The following VWC2L variants were observed in gnomAD, a reference collection of about 807,000 sequenced individuals.
The protein encoded by VWC2L is von Willebrand factor C domain-containing protein 2-like.
VWC2L carries 10 observed loss-of-function variants against 21.6 expected under a neutral mutation model. That is an observed-to-expected ratio of 0.46 (90% CI 0.29 to 0.78). The LOEUF is 0.78. Ranked by LOEUF, VWC2L falls within the 30% of genes least tolerant of loss-of-function variation. VWC2L has a pLI of 0.10. For synonymous variants in VWC2L, 96 were observed against 94.3 expected (o/e 1.02, Z -0.10); for missense variants, 209 against 277.1 (o/e 0.75, Z 1.74).
At chr2:214,454,593 A>ATTTT (rs1703025765) in intron 3 of VWC2L, among the ~76,000 whole-genome samples, 14 of 59,728 alleles carry the variant, frequency 2.3e-4, no homozygotes, top group African/African-American at 6.0e-4. Context: ...ACATTGATTG[A>ATTTT]TTTTCTTTTT....
intron 3 of VWC2L, among the ~76,000 whole-genome samples, chr2:214,440,450 A>G (rs1702748745): frequency 6.6e-6 from 1 of 151,990 alleles, no homozygotes; most frequent in Non-Finnish European, 1.5e-5. Flanking sequence ...TTTCAGCCCC[A>G]GGCCTTTCCA....
In VWC2L at chr2:214,566,603, A is replaced by T. The variant is rs1344128893; in HGVS notation, c.521-9069A>T. ...GAAGCTGTTTGTTTTTAGGTCTAAT[A>T]AAAAGGGTTTGGAAGTAACACAGGG... is the stretch of plus-strand genomic sequence containing the variant. On this transcript the variant is annotated intron_variant, in intron 3 of 3. Coordinates refer to ENST00000312504, the MANE Select transcript of VWC2L (RefSeq NM_001080500.4). Among the ~76,000 whole-genome samples, 3 of 152,230 alleles carry T rather than the reference A, an allele frequency of 2.0e-5. No individual in the cohort carries two copies. The East Asian group carries it at 5.8e-4, about 29-fold the overall frequency.
At chr2:214,489,003 T>C (rs565469737) in intron 3 of VWC2L, among the ~76,000 whole-genome samples, 1 of 152,344 alleles carries the variant, frequency 6.6e-6, no homozygotes, top group Non-Finnish European at 1.5e-5. Context: ...CATTTCAGCA[T>C]GAGATTTGAT....
In VWC2L at chr2:214,577,559, G is replaced by A; in HGVS notation, c.*1739G>A. On this transcript the variant is annotated 3_prime_UTR_variant, in exon 4 of 4. Transcript: ENST00000312504. ...TGGTTTCTGGCAGGGGACACAGTAG[G>A]CAAGCTCTAGCAGCACCTGTGGCTT... 6.6e-6 allele frequency: 1 copy of A among 152,356 alleles called. No individual in the cohort carries two copies. Among genetic ancestry groups the A allele is most frequent in the Non-Finnish European group, 1.5e-5 (1 of 68,108 alleles). The allele number at this position is 152,356 out of a possible 1,614,324, so 9.4% of individuals were successfully genotyped here.
chr2:214,460,638 A>G (rs1030554660), intron 3 of VWC2L, among the ~76,000 whole-genome samples: 8 of 151,744 alleles, frequency 5.3e-5, no homozygotes, highest in Non-Finnish European at 8.8e-5. Flanking sequence ...TATAACATCT[A>G]TTTCTTTGAT....
At chr2:214,443,751 G>A (rs1054778820) in intron 3 of VWC2L, among the ~76,000 whole-genome samples, 2 of 152,092 alleles carry the variant, frequency 1.3e-5, no homozygotes, top group Admixed American at 1.3e-4. Context: ...AGAAATTCCC[G>A]ATAAAGTCAG....
chr2:214,558,168 T>C (rs534449880), intron 3 of VWC2L, among the ~76,000 whole-genome samples: 4 of 152,208 alleles, frequency 2.6e-5, no homozygotes, highest in Non-Finnish European at 5.9e-5. Context: ...TCTGCTATCA[T>C]GTATTGCTAT....
At chr2:214,473,137 A>G (rs908272614) in intron 3 of VWC2L, among the ~76,000 whole-genome samples, 1 of 152,202 alleles carries the variant, frequency 6.6e-6, no homozygotes, top group African/African-American at 2.4e-5. Flanking sequence ...TAGTCCTAAG[A>G]TTATTTGAAA....
At chr2:214,514,257 A>C (rs1689105427) in intron 3 of VWC2L, among the ~76,000 whole-genome samples, 1 of 152,082 alleles carries the variant, frequency 6.6e-6, no homozygotes, top group Admixed American at 6.5e-5. Flanking sequence ...TTAATACCAG[A>C]CATAGACAGA....
chr2:214,516,259 A>C (rs1689141697), intron 3 of VWC2L, among the ~76,000 whole-genome samples: 1 of 150,808 alleles, frequency 6.6e-6, no homozygotes, highest in Non-Finnish European at 1.5e-5. Flanking sequence ...GTATCGCCCC[A>C]GGAGTCAGCT....
intron 3 of VWC2L, among the ~76,000 whole-genome samples, chr2:214,461,119 T>C (rs763463186): frequency 1.3e-5 from 2 of 152,222 alleles, no homozygotes; most frequent in Admixed American, 1.3e-4. Flanking sequence ...GGATGCCAGA[T>C]GGGCCAGTAG....
chr2:214,430,462 G>T (rs769833422), intron 2 of VWC2L, among the ~76,000 whole-genome samples: 2 of 152,206 alleles, frequency 1.3e-5, no homozygotes, highest in East Asian at 1.9e-4. Context: ...TGGAGTAGGA[G>T]AGATATATAG....
rs1219322101 is a variant in VWC2L at position 214,414,153 on chromosome 2, T to C, written c.-41T>C. 6.3e-7 allele frequency: 1 copy of C among 1,576,242 alleles called. No individual in the cohort carries two copies. Among genetic ancestry groups the C allele is most frequent in the Non-Finnish European group, 8.5e-7 (1 of 1,170,010 alleles). Reference sequence around the variant, plus strand: ...ATTCCCATGGAAGGAGCTGAGTATATTTAATATTAGGAGCACATCCAGAAG... The same window carrying C: ...ATTCCCATGGAAGGAGCTGAGTATACTTAATATTAGGAGCACATCCAGAAG... On this transcript the variant is annotated 5_prime_UTR_variant, in exon 2 of 4. Transcript: ENST00000312504.
chr2:214,525,798 AC>A (rs1345703269), intron 3 of VWC2L, among the ~76,000 whole-genome samples: 3 of 152,176 alleles, frequency 2.0e-5, no homozygotes, highest in Non-Finnish European at 2.9e-5. Flanking sequence ...AATTGAAGGA[AC>A]CTTTTGCTTT....
At chr2:214,470,916 C>CAAAAAAAAAAAAAAAAAAA (rs56041924) in intron 3 of VWC2L, among the ~76,000 whole-genome samples, 19 of 50,794 alleles carry the variant, frequency 3.7e-4, no homozygotes, top group African/African-American at 1.7e-3. Flanking sequence ...AACTCCATCT[C>CAAAAAAAAAAAAAAAAAAA]AAAAAAAAAA....
chr2:214,476,225 A>G (rs1444070692), intron 3 of VWC2L, among the ~76,000 whole-genome samples: 1 of 152,206 alleles, frequency 6.6e-6, no homozygotes, highest in African/African-American at 2.4e-5. Context: ...AATATGCAAA[A>G]GGAGCACAAG....
At chr2:214,496,506 C>G (rs1688815260) in intron 3 of VWC2L, among the ~76,000 whole-genome samples, 1 of 152,098 alleles carries the variant, frequency 6.6e-6, no homozygotes, top group Non-Finnish European at 1.5e-5. Context: ...GCTTTCAGAA[C>G]ATTGATAGAC....
At chr2:214,484,077 A>G (rs1448500784) in intron 3 of VWC2L, among the ~76,000 whole-genome samples, 1 of 151,988 alleles carries the variant, frequency 6.6e-6, no homozygotes, top group Admixed American at 6.6e-5. Flanking sequence ...CATCACTCCA[A>G]TCTCTGCCTG....
intron 3 of VWC2L, among the ~76,000 whole-genome samples, chr2:214,444,357 T>A (rs184621584): frequency 6.6e-6 from 1 of 151,818 alleles, no homozygotes; most frequent in Non-Finnish European, 1.5e-5. Flanking sequence ...CAAAAGACAT[T>A]CCAGAGAAAA....
Sources: gnomAD v4.1 joint callset for allele counts (sites outside exome capture counted in the v4.1 genomes callset) on GRCh38, gnomAD v4.1.1 for gene constraint, MANE v1.5 for transcripts, NCBI Gene and HGNC (gene_info 2026-07-23, HGNC 2026-07-21) for gene names.